TMC1: variants seen among roughly 807,000 people sequenced by gnomAD.
TMC1 encodes transmembrane channel-like protein 1.
In TMC1, 84 loss-of-function variants were observed where a neutral mutation model predicts 105.8. The observed-to-expected ratio is 0.79, with a 90% confidence interval of 0.67 to 0.95. TMC1 has a LOEUF of 0.95. Among genes scored for constraint, TMC1 ranks in the 40% least tolerant of loss-of-function variants. The probability of loss-of-function intolerance (pLI) is 0.00; values close to 1 mark genes in which losing one functional copy is unlikely to be tolerated. For synonymous variants in TMC1, 315 were observed against 311.5 expected (o/e 1.01, Z -0.12); for missense variants, 817 against 914.1 (o/e 0.89, Z 1.37).
intron 18 of TMC1, among the ~76,000 whole-genome samples, chr9:72,806,940 C>T (rs1366458861): frequency 6.6e-6 from 1 of 152,140 alleles, no homozygotes; most frequent in Non-Finnish European, 1.5e-5. Context: ...TGTAGCGAGC[C>T]GAGATCACGC....
At chr9:72,555,924 A>C (rs1424765210) in intron 1 of TMC1, among the ~76,000 whole-genome samples, 1 of 135,056 alleles carries the variant, frequency 7.4e-6, no homozygotes, top group African/African-American at 2.8e-5. Flanking sequence ...CCTGGCCTGG[A>C]CTTAACTCTT....
intron 5 of TMC1, among the ~76,000 whole-genome samples, chr9:72,666,691 T>C (rs935590858): frequency 2.0e-5 from 3 of 152,202 alleles, no homozygotes; most frequent in Admixed American, 6.5e-5. Flanking sequence ...AGCCCCTGCC[T>C]TCCCAGAAGC....
At chr9:72,735,522 T>C (rs1327762658) in intron 8 of TMC1, among the ~76,000 whole-genome samples, 3 of 152,246 alleles carry the variant, frequency 2.0e-5, no homozygotes, top group East Asian at 1.9e-4. Flanking sequence ...CTGTTCTGTA[T>C]TGATCAATGT....
intron 1 of TMC1, among the ~76,000 whole-genome samples, chr9:72,572,100 T>G (rs1030776653): frequency 4.6e-5 from 7 of 152,040 alleles, no homozygotes; most frequent in Non-Finnish European, 8.8e-5. Context: ...CCTCCCAAAG[T>G]GCTGGGATTA....
intron 17 of TMC1, among the ~76,000 whole-genome samples, chr9:72,793,263 C>T (rs1452935773): frequency 6.6e-6 from 1 of 152,136 alleles, no homozygotes; most frequent in African/African-American, 2.4e-5. Flanking sequence ...GGGGCTGAAT[C>T]CAGTGACAGT....
intron 5 of TMC1, among the ~76,000 whole-genome samples, chr9:72,679,048 T>C (rs1014993771): frequency 1.3e-5 from 2 of 152,084 alleles, no homozygotes; most frequent in African/African-American, 4.8e-5. Context: ...CTAACATTCA[T>C]GCTATTTTAA....
rs117292236 is a variant in TMC1 at position 72,699,472 on chromosome 9, A to G, written c.237-1046A>G. Among the ~76,000 whole-genome samples, 947 of 152,288 alleles carry G rather than the reference A, an allele frequency of 6.2e-3. 7 individuals are homozygous for G. Among genetic ancestry groups the G allele is most frequent in the Middle Eastern group, 0.034 (10 of 294 alleles). ...TCTTTCTCTTGAGACAGGGCTAACA[A>G]AATTTTTAAGGGCAAAGACATCTTC... On this transcript the variant is annotated intron_variant, in intron 7 of 23. Transcript: ENST00000297784.
chr9:72,528,181 T>C (rs1207753378), intron 1 of TMC1, among the ~76,000 whole-genome samples: 1 of 152,122 alleles, frequency 6.6e-6, no homozygotes, highest in Non-Finnish European at 1.5e-5. Context: ...GCTAGCTAGC[T>C]CCTTCCACCA....
chr9:72,754,917 G>C (rs1321270741), intron 12 of TMC1, 33 bp downstream of exon 12: 1 of 1,525,132 alleles, frequency 6.6e-7, no homozygotes, highest in East Asian at 2.3e-5. Context: ...ATTGGTGGGA[G>C]GATGGATTTT....
Position 72,816,772 on chromosome 9 carries a change from T to G in TMC1, c.1763+562T>G, listed in dbSNP as rs1016385328. On this transcript the variant is annotated intron_variant, in intron 19 of 23. Transcript: ENST00000297784. ...CACATCAGAATTATTTTTTTTGATG[T>G]GTGAAGGGTTGTCATATCTTTTATC... Among the ~76,000 whole-genome samples the G allele has an allele frequency of 3.9e-5, 6 of 152,196 alleles. 1 individual carries two copies. Among genetic ancestry groups the G allele is most frequent in the Admixed American group, 3.9e-4 (6 of 15,278 alleles).
intron 8 of TMC1, among the ~76,000 whole-genome samples, chr9:72,704,924 A>G (rs938248867): frequency 3.9e-5 from 6 of 152,252 alleles, no homozygotes; most frequent in Non-Finnish European, 7.3e-5. Flanking sequence ...GATGATTTAT[A>G]CAATGAGGAA....
chr9:72,798,500 A>G (rs1012994332), intron 17 of TMC1, among the ~76,000 whole-genome samples: 1 of 152,160 alleles, frequency 6.6e-6, no homozygotes, highest in Non-Finnish European at 1.5e-5. Context: ...AATGTGATAT[A>G]CCATGGAATA....
intron 1 of TMC1, among the ~76,000 whole-genome samples, chr9:72,535,934 C>A (rs992325384): frequency 1.3e-5 from 2 of 152,156 alleles, no homozygotes; most frequent in Non-Finnish European, 2.9e-5. Flanking sequence ...TGATTCTCCC[C>A]CATGACCAAA....
intron 4 of TMC1, among the ~76,000 whole-genome samples, chr9:72,629,682 T>A (rs1319440533): frequency 6.6e-6 from 1 of 152,156 alleles, no homozygotes; most frequent in East Asian, 1.9e-4. Flanking sequence ...ATAACTTATA[T>A]GAGACATAGC....
Position 72,755,086 on chromosome 9 carries a change from GAGAGAGAGAGAA to G in TMC1, c.741+206_741+217del, listed in dbSNP as rs796573138. Among the ~76,000 whole-genome samples, 112 of 149,648 alleles carry G rather than the reference GAGAGAGAGAGAA, an allele frequency of 7.5e-4. 1 individual carries two copies. The highest frequency in any genetic ancestry group is 2.7e-3 in the African/African-American group (109 of 40,132). On this transcript the variant is annotated intron_variant, in intron 12 of 23. Coordinates refer to ENST00000297784, the MANE Select transcript of TMC1 (RefSeq NM_138691.3). ...AGGGAGGGAGGGAGAGAGAGAGAGA[GAGAGAGAGAGAA>G]AGAAAGAAAGAAAGAGAAAGAAAGA...
At chr9:72,783,878 CA>C (rs574293669) in intron 13 of TMC1, among the ~76,000 whole-genome samples, 10 of 152,202 alleles carry the variant, frequency 6.6e-5, no homozygotes, top group African/African-American at 2.4e-4. Context: ...TCACCAGATA[CA>C]AAAATCAACT....
At chr9:72,553,135 G>T (rs1823882882) in intron 1 of TMC1, among the ~76,000 whole-genome samples, 2 of 152,030 alleles carry the variant, frequency 1.3e-5, no homozygotes, top group South Asian at 4.2e-4. Flanking sequence ...CACCATGCTG[G>T]GCTAATTTTG....
rs1827941029 is a variant in TMC1, at chr9:72,772,339, C to A, written c.742-74C>A. On this transcript the variant is annotated intron_variant, in intron 12 of 23. Transcript: ENST00000297784. ...GAAAATTAATGTCATTTTGTTATTT[C>A]TCTTAAGAGTTGATCTTTTCCTTTG... 14 of 1,588,266 alleles carry A rather than the reference C, an allele frequency of 8.8e-6. No homozygotes were observed. In the South Asian group the frequency reaches 1.6e-4, roughly 18 times the overall value.
chr9:72,818,767 C>G (rs139273030), intron 19 of TMC1: 1 of 152,020 alleles, frequency 6.6e-6, no homozygotes, highest in African/African-American at 2.4e-5. Context: ...CTTAGTGAGC[C>G]GAGCTGATTA....
Sources: gnomAD v4.1 joint callset for allele counts (sites outside exome capture counted in the v4.1 genomes callset) on GRCh38, gnomAD v4.1.1 for gene constraint, MANE v1.5 for transcripts, NCBI Gene and HGNC (gene_info 2026-07-23, HGNC 2026-07-21) for gene names.